The following LRBA variants were observed in gnomAD, a reference collection of about 807,000 sequenced individuals.
The protein encoded by LRBA is lipopolysaccharide-responsive and beige-like anchor protein.
Under a neutral mutation model 330.0 loss-of-function variants are expected in LRBA, and 176 were observed. The observed-to-expected ratio is 0.53, with a 90% CI of 0.47 to 0.60. LRBA has a LOEUF of 0.60. LRBA is among the 20% of genes least tolerant of loss of function. The pLI is 0.00. For missense variants in LRBA, 3,259 were observed against 3,444.8 expected (o/e 0.95, Z 1.35); for synonymous variants, 1,230 against 1,193.0 (o/e 1.03, Z -0.64).
intron 2 of LRBA, among the ~76,000 whole-genome samples, chr4:150,998,987 C>A (rs1743023423): frequency 6.6e-6 from 1 of 152,148 alleles, no homozygotes; most frequent in South Asian, 2.1e-4. Flanking sequence ...CTTCGTTATA[C>A]CTTAGACTTC....
intron 2 of LRBA, among the ~76,000 whole-genome samples, chr4:150,948,034 T>C (rs1237729172): frequency 4.6e-5 from 7 of 152,050 alleles, no homozygotes; most frequent in Non-Finnish European, 1.0e-4. Flanking sequence ...ACTGCATTCA[T>C]AGTACAGCTG....
At chr4:150,802,919 G>A (rs1741878207) in intron 33 of LRBA, among the ~76,000 whole-genome samples, 1 of 149,608 alleles carries the variant, frequency 6.7e-6, no homozygotes, top group Non-Finnish European at 1.5e-5. Context: ...CTACTAGGGA[G>A]ACTGAGGCAC....
intron 34 of LRBA, among the ~76,000 whole-genome samples, chr4:150,792,799 G>A (rs975378190): frequency 5.3e-5 from 8 of 152,096 alleles, no homozygotes; most frequent in African/African-American, 1.9e-4. Flanking sequence ...CTAGGCTAGG[G>A]GCCGGGCACA....
At chr4:150,551,428 T>C (rs183632878) in intron 40 of LRBA, among the ~76,000 whole-genome samples, 4 of 151,998 alleles carry the variant, frequency 2.6e-5, no homozygotes, top group African/African-American at 7.2e-5. Flanking sequence ...CCTGTAATCT[T>C]AGCATTTTGG....
At chr4:150,710,859 C>A (rs115162486) in intron 36 of LRBA, among the ~76,000 whole-genome samples, 3 of 151,844 alleles carry the variant, frequency 2.0e-5, no homozygotes, top group East Asian at 3.9e-4. Flanking sequence ...CTACACTTTA[C>A]GTCTCTGCTT....
intron 9 of LRBA, among the ~76,000 whole-genome samples, chr4:150,913,838 T>TA (rs1479643971): frequency 6.6e-6 from 1 of 152,242 alleles, no homozygotes; most frequent in Non-Finnish European, 1.5e-5. Context: ...AAGCTACTCC[T>TA]ACTCTTCTCT....
At position 150,487,829 on chromosome 4, in the gene LRBA, C is replaced by A; in HGVS notation, c.6454G>T (p.Val2152Leu). The change falls in exon 42 of 57, where the codon GTG becomes TTG. Residue 2152 changes from valine (V) to leucine (L), a missense_variant. Transcript: ENST00000651943. ...LEIFMANRVA[V>L]MFNFPDPATV... Reference sequence around the variant, plus strand: ...GCAGGGTCTGGGAAGTTGAACATCACAGCAACTACAACAGATGATTTTTAA... The same window carrying A: ...GCAGGGTCTGGGAAGTTGAACATCAAAGCAACTACAACAGATGATTTTTAA... The A allele has an allele frequency of 6.4e-7, 1 of 1,564,454 alleles. No homozygotes were observed. Among genetic ancestry groups the A allele is most frequent in the Non-Finnish European group, 8.8e-7 (1 of 1,141,160 alleles).
chr4:150,501,816 A>G (rs1255161553), intron 40 of LRBA, among the ~76,000 whole-genome samples: 1 of 152,224 alleles, frequency 6.6e-6, no homozygotes, highest in African/African-American at 2.4e-5. Flanking sequence ...AATGAACATA[A>G]TATACTGAAA....
intron 9 of LRBA, among the ~76,000 whole-genome samples, chr4:150,911,953 C>T (rs887604405): frequency 5.9e-5 from 9 of 152,150 alleles, no homozygotes; most frequent in Non-Finnish European, 1.2e-4. Context: ...TTGTCCATTT[C>T]TTCTAAATTA....
chr4:150,809,777 G>A (rs1364986968), intron 31 of LRBA, among the ~76,000 whole-genome samples: 2 of 152,066 alleles, frequency 1.3e-5, no homozygotes, highest in East Asian at 1.9e-4. Context: ...GAGCCTAGAG[G>A]GCAGAGGTTG....
intron 2 of LRBA, among the ~76,000 whole-genome samples, chr4:150,960,483 T>TA (rs2149564095): frequency 1.3e-5 from 2 of 149,302 alleles, no homozygotes; most frequent in East Asian, 3.9e-4. Flanking sequence ...ACCTGAGACT[T>TA]AAAAAACGTG....
At chr4:150,792,852 G>A (rs189103137) in intron 34 of LRBA, among the ~76,000 whole-genome samples, 21 of 152,208 alleles carry the variant, frequency 1.4e-4, no homozygotes, top group Non-Finnish European at 2.6e-4. Flanking sequence ...AGGCCTAGGC[G>A]GGCGAATCAC....
At chr4:150,416,131 A>G (rs1433405661) in intron 46 of LRBA, among the ~76,000 whole-genome samples, 1 of 152,250 alleles carries the variant, frequency 6.6e-6, no homozygotes, top group African/African-American at 2.4e-5. Flanking sequence ...GAAGATCAAA[A>G]TTTAAAATTA....
At chr4:150,476,472 A>G (rs1023851136) in intron 42 of LRBA, among the ~76,000 whole-genome samples, 3 of 152,114 alleles carry the variant, frequency 2.0e-5, no homozygotes, top group African/African-American at 7.2e-5. Context: ...GGAGGTATAC[A>G]GAGGAGGAAG....
intron 47 of LRBA, among the ~76,000 whole-genome samples, chr4:150,362,041 G>A (rs1341110187): frequency 6.6e-6 from 1 of 152,016 alleles, no homozygotes; most frequent in Non-Finnish European, 1.5e-5. Context: ...CAAAGTGCTG[G>A]GATTACAGGC....
chr4:150,763,572 C>A (rs2126482959), intron 34 of LRBA, among the ~76,000 whole-genome samples: 1 of 151,982 alleles, frequency 6.6e-6, no homozygotes, highest in East Asian at 1.9e-4. Context: ...CAAAAGGAAG[C>A]AATCAAATTC....
chr4:150,887,601 T>C (rs1292736550), intron 17 of LRBA, among the ~76,000 whole-genome samples: 2 of 151,846 alleles, frequency 1.3e-5, no homozygotes, highest in African/African-American at 4.8e-5. Context: ...ACCCTGTCTC[T>C]ACTAAAAATA....
chr4:150,957,506 G>A (rs1579318283), intron 2 of LRBA, among the ~76,000 whole-genome samples: 1 of 148,350 alleles, frequency 6.7e-6, no homozygotes, highest in East Asian at 1.9e-4. Flanking sequence ...AGATTTTGGT[G>A]GGGACACAGC....
intron 17 of LRBA, among the ~76,000 whole-genome samples, chr4:150,876,291 C>T (rs1401052462): frequency 6.6e-6 from 1 of 152,136 alleles, no homozygotes; most frequent in Non-Finnish European, 1.5e-5. Flanking sequence ...AGAAAACAAC[C>T]TGGAAAATAT....
Sources: allele counts gnomAD v4.1 joint callset (sites outside exome capture counted in the v4.1 genomes callset), GRCh38; gene constraint gnomAD v4.1.1; transcripts MANE v1.5; gene names NCBI Gene and HGNC (gene_info 2026-07-23, HGNC 2026-07-21).